The following ABLIM1 variants were observed in gnomAD, a reference collection of about 807,000 sequenced individuals.
The protein encoded by ABLIM1 is actin-binding LIM protein 1.
Under a neutral mutation model 107.0 loss-of-function variants are expected in ABLIM1, and 40 were observed. The observed-to-expected ratio is 0.37, with a 90% confidence interval of 0.29 to 0.49. The LOEUF (loss-of-function observed/expected upper bound fraction) is 0.49, where lower values mean the gene tolerates loss of function less well. ABLIM1 is among the 20% of genes least tolerant of loss of function. ABLIM1 has a pLI of 0.97. For missense variants in ABLIM1, 857 were observed against 1,008.5 expected (o/e 0.85, Z 2.04); for synonymous variants, 357 against 357.3 (o/e 1.00, Z 0.01).
At chr10:114,592,287 C>T (rs1038635943) in intron 2 of ABLIM1, among the ~76,000 whole-genome samples, 1 of 152,042 alleles carries the variant, frequency 6.6e-6, no homozygotes, top group South Asian at 2.1e-4. Flanking sequence ...CACACATATC[C>T]AAGTGAAGAG....
chr10:114,725,005 TTC>T (rs1204711109), intron 1 of ABLIM1, among the ~76,000 whole-genome samples: 1 of 152,180 alleles, frequency 6.6e-6, no homozygotes, highest in Non-Finnish European at 1.5e-5. Context: ...TGTTTCTCTT[TTC>T]TCTTTTCTCC....
At chr10:114,768,671 G>T (rs930948650), upstream of ABLIM1, among the ~76,000 whole-genome samples, 30 of 151,994 alleles carry the variant, frequency 2.0e-4, no homozygotes, top group Non-Finnish European at 4.0e-4. Flanking sequence ...GGGGTGGGAT[G>T]GGGCGGGACT....
intron 1 of ABLIM1, among the ~76,000 whole-genome samples, chr10:114,749,665 AGGT>A (rs1204117387): frequency 6.6e-6 from 1 of 152,100 alleles, no homozygotes; most frequent in Admixed American, 6.5e-5. Context: ...AAAGTCCTCA[AGGT>A]GGTTCACAAG....
intron 8 of ABLIM1, 62 bp from the exon 9 acceptor site, chr10:114,474,018 G>T: frequency 7.6e-7 from 1 of 1,308,936 alleles, no homozygotes; most frequent in Non-Finnish European, 1.1e-6. Flanking sequence ...AGACTGTCCT[G>T]GGCCCTTAAG....
chr10:114,543,898 C>T (rs1386635510), intron 6 of ABLIM1, among the ~76,000 whole-genome samples: 4 of 152,248 alleles, frequency 2.6e-5, no homozygotes, highest in East Asian at 1.9e-4. Context: ...ACCACAACCA[C>T]ACCCTTCTCT....
chr10:114,704,335 T>TATATATATATATATATATCTCACG lies in ABLIM1; in HGVS notation c.-213+63725_-213+63726insCGTGAGATATATATATATATATAT, dbSNP rs3061769. Among the ~76,000 whole-genome samples the TATATATATATATATATATCTCACG allele has an allele frequency of 2.7e-3, 222 of 83,320 alleles. 11 individuals carry two copies. Among genetic ancestry groups the TATATATATATATATATATCTCACG allele is most frequent in the Non-Finnish European group, 4.1e-3 (161 of 39,390 alleles). 54.7% of individuals were successfully genotyped at this position (83,320 alleles called of 152,430 possible). On this transcript the variant is annotated intron_variant, in intron 1 of 15. Coordinates refer to the ABLIM1 transcript ENST00000651092. ...ATATATATATATATATATATATATATTGCGCGCGTTACATCTGTGAGGTAT... is the reference window on the plus strand; with the variant it reads ...ATATATATATATATATATATATATATATATATATATATATATATCTCACGTGCGCGCGTTACATCTGTGAGGTAT...
At chr10:114,521,463 G>A (rs2475237) in intron 6 of ABLIM1, among the ~76,000 whole-genome samples, 5,597 of 152,260 alleles carry the variant, frequency 0.037, 351 homozygotes, top group African/African-American at 0.13. Flanking sequence ...CTGTCCTCAA[G>A]AGCTTAGTAT....
chr10:114,777,917 T>C, the ABLIM1 span: 1 of 152,310 alleles, frequency 6.6e-6, no homozygotes, highest in South Asian at 2.1e-4. Context: ...TCTTTTGCAC[T>C]ATGATTTTGG....
At chr10:114,789,783 G>A in the ABLIM1 span, among the ~76,000 whole-genome samples, 1 of 147,948 alleles carries the variant, frequency 6.8e-6, no homozygotes, top group Admixed American at 6.7e-5. Flanking sequence ...TTTTTTGCAT[G>A]TATATTTGTT....
chr10:114,598,274 C>CAAAAA (rs58133284), intron 2 of ABLIM1, among the ~76,000 whole-genome samples: 4 of 63,798 alleles, frequency 6.3e-5, no homozygotes, highest in African/African-American at 1.4e-4. Context: ...AACTCCATCT[C>CAAAAA]AAAAAAAAAA....
intron 4 of ABLIM1, among the ~76,000 whole-genome samples, chr10:114,568,146 C>T (rs1376063622): frequency 3.4e-5 from 5 of 145,452 alleles, no homozygotes; most frequent in Non-Finnish European, 3.0e-5. Flanking sequence ...GCCGAGATTG[C>T]GCCACTGCAG....
chr10:114,489,413 A>G (rs1415290142), intron 7 of ABLIM1, among the ~76,000 whole-genome samples: 1 of 152,226 alleles, frequency 6.6e-6, no homozygotes, highest in African/African-American at 2.4e-5. Context: ...GAGCTTAACT[A>G]ATATCAAATT....
chr10:114,502,906 C>G (rs1004001394), intron 6 of ABLIM1, among the ~76,000 whole-genome samples: 2 of 152,132 alleles, frequency 1.3e-5, no homozygotes, highest in African/African-American at 4.8e-5. Flanking sequence ...TAAGAAACCC[C>G]CTTGTGTCCT....
At chr10:114,738,676 C>CTA (rs1379896373) in intron 1 of ABLIM1, among the ~76,000 whole-genome samples, 3 of 152,022 alleles carry the variant, frequency 2.0e-5, no homozygotes, top group Non-Finnish European at 4.4e-5. Context: ...CTCACTTATG[C>CTA]TTTAATAGAT....
intron 1 of ABLIM1, among the ~76,000 whole-genome samples, chr10:114,627,606 G>A (rs1467794102): frequency 6.6e-6 from 1 of 152,138 alleles, no homozygotes; most frequent in Non-Finnish European, 1.5e-5. Context: ...TAAAGGAAAA[G>A]AAAGAACTAA....
intron 6 of ABLIM1, among the ~76,000 whole-genome samples, chr10:114,502,862 C>T (rs2060613297): frequency 6.6e-6 from 1 of 152,122 alleles, no homozygotes; most frequent in African/African-American, 2.4e-5. Flanking sequence ...ATAACCAGCA[C>T]CCAAATTAAA....
At chr10:114,498,275 T>C (rs1590479506) in intron 6 of ABLIM1, among the ~76,000 whole-genome samples, 1 of 152,222 alleles carries the variant, frequency 6.6e-6, no homozygotes, top group Non-Finnish European at 1.5e-5. Context: ...TGAAATCCCA[T>C]ACCCTCTACA....
chr10:114,447,792 G>C (rs2061245998), intron 15 of ABLIM1, 88 bp downstream of exon 15: 3 of 1,543,930 alleles, frequency 1.9e-6, no homozygotes, highest in African/African-American at 2.7e-5. Context: ...CTTCATAATA[G>C]GATACATTTT....
intron 1 of ABLIM1, among the ~76,000 whole-genome samples, chr10:114,647,492 G>A (rs1229378741): frequency 1.3e-5 from 2 of 152,200 alleles, no homozygotes; most frequent in Admixed American, 1.3e-4. Flanking sequence ...CACAAGGACA[G>A]CAAATATTAA....
Sources: gnomAD v4.1 joint callset for allele counts (sites outside exome capture counted in the v4.1 genomes callset) on GRCh38, gnomAD v4.1.1 for gene constraint, MANE v1.5 for transcripts, NCBI Gene and HGNC (gene_info 2026-07-23, HGNC 2026-07-21) for gene names.